PDZD2: variants seen among roughly 807,000 people sequenced by gnomAD.
PDZD2 encodes PDZ domain-containing protein 2.
PDZD2 carries 90 observed loss-of-function variants against 220.7 expected under a neutral mutation model. The ratio of observed to expected loss-of-function variants is 0.41; its 90% CI spans 0.34 to 0.49. The LOEUF (loss-of-function observed/expected upper bound fraction) is 0.49, where lower values mean the gene tolerates loss of function less well. PDZD2 is among the 20% of genes least tolerant of loss of function. The pLI is 0.28. For synonymous variants in PDZD2, 1,375 were observed against 1,450.5 expected, an observed-to-expected ratio of 0.95 and a Z score of 1.18; for missense variants, 3,174 against 3,608.5, an observed-to-expected ratio of 0.88 and a Z score of 3.08.
intron 2 of PDZD2, among the ~76,000 whole-genome samples, chr5:31,915,336 C>T (rs1333577827): frequency 1.3e-5 from 2 of 152,176 alleles, no homozygotes; most frequent in East Asian, 3.8e-4. Context: ...CTGCTCATTC[C>T]TCAGTTAACC....
chr5:32,064,999 A>T (rs1298382128), intron 14 of PDZD2, among the ~76,000 whole-genome samples: 1 of 151,552 alleles, frequency 6.6e-6, no homozygotes, highest in Non-Finnish European at 1.5e-5. Flanking sequence ...CAAAGTGTTC[A>T]TTAAGAATAT....
At chr5:31,772,663 C>T (rs1426081193) in intron 1 of PDZD2, among the ~76,000 whole-genome samples, 1 of 152,192 alleles carries the variant, frequency 6.6e-6, no homozygotes. Flanking sequence ...TTAGAATATA[C>T]TAGAATGGAT....
chr5:31,975,539 C>T (rs1054382504), intron 2 of PDZD2, among the ~76,000 whole-genome samples: 17 of 152,238 alleles, frequency 1.1e-4, no homozygotes, highest in African/African-American at 3.4e-4. Flanking sequence ...AGGAGGGAGG[C>T]GGTGCTCAGC....
At chr5:32,070,805 G>C (rs922070518) in intron 15 of PDZD2, among the ~76,000 whole-genome samples, 2 of 152,194 alleles carry the variant, frequency 1.3e-5, no homozygotes, top group African/African-American at 4.8e-5. Flanking sequence ...AGACCAGCCT[G>C]ACCAACATGG....
At chr5:31,966,153 G>A (rs907027916) in intron 2 of PDZD2, among the ~76,000 whole-genome samples, 5 of 152,176 alleles carry the variant, frequency 3.3e-5, no homozygotes, top group Non-Finnish European at 7.3e-5. Flanking sequence ...CCTTGGGCGA[G>A]TTAATCTCTT....
At chr5:31,754,153 G>A (rs1751172461) in intron 1 of PDZD2, 1 of 152,226 alleles carries the variant, frequency 6.6e-6, no homozygotes, top group Admixed American at 6.5e-5. Context: ...TAATAATGAT[G>A]TTGGGCTCAA....
At chr5:32,070,514 T>C (rs1740638192) in intron 15 of PDZD2, among the ~76,000 whole-genome samples, 1 of 152,330 alleles carries the variant, frequency 6.6e-6, no homozygotes, top group Admixed American at 6.5e-5. Context: ...ATGCCCAAAG[T>C]CCCTTCTGCT....
intron 6 of PDZD2, among the ~76,000 whole-genome samples, chr5:32,027,257 G>C (rs1227583672): frequency 6.6e-6 from 1 of 152,104 alleles, no homozygotes; most frequent in Non-Finnish European, 1.5e-5. Context: ...GCCTCTCTTG[G>C]GAACATGACA....
chr5:31,874,450 T>C (rs1739117892), intron 2 of PDZD2, among the ~76,000 whole-genome samples: 1 of 152,168 alleles, frequency 6.6e-6, no homozygotes, highest in Non-Finnish European at 1.5e-5. Flanking sequence ...ATTTTTAGAA[T>C]TCTTTTCAAA....
chr5:31,862,103 T>TGG (rs1554084875), intron 2 of PDZD2, among the ~76,000 whole-genome samples: 3 of 54,396 alleles, frequency 5.5e-5, no homozygotes, highest in Non-Finnish European at 1.5e-4. Context: ...TTTTTTGGGT[T>TGG]TTTTTTTTTT....
intron 1 of PDZD2, among the ~76,000 whole-genome samples, chr5:31,783,409 G>A (rs930697800): frequency 2.0e-5 from 3 of 152,174 alleles, no homozygotes; most frequent in Non-Finnish European, 2.9e-5. Flanking sequence ...TAGAGCATCC[G>A]CATCGGGGAA....
At chr5:31,812,835 C>T (rs1755201377) in intron 2 of PDZD2, among the ~76,000 whole-genome samples, 1 of 152,170 alleles carries the variant, frequency 6.6e-6, no homozygotes, top group Non-Finnish European at 1.5e-5. Flanking sequence ...CCTATCCCAG[C>T]CTCCCGAAGT....
At chr5:31,789,935 A>T (rs1296964223) in intron 1 of PDZD2, among the ~76,000 whole-genome samples, 1 of 152,102 alleles carries the variant, frequency 6.6e-6, no homozygotes, top group East Asian at 1.9e-4. Flanking sequence ...ACAAAAAAAA[A>T]TTCCATTTAT....
At chr5:31,973,896 G>A (rs113417684) in intron 2 of PDZD2, among the ~76,000 whole-genome samples, 8 of 152,224 alleles carry the variant, frequency 5.3e-5, no homozygotes, top group South Asian at 4.2e-4. Flanking sequence ...GGTGGCCTGC[G>A]CCTATAGTCA....
chr5:32,006,754 A>G (rs921286182), intron 5 of PDZD2, among the ~76,000 whole-genome samples: 2 of 143,994 alleles, frequency 1.4e-5, no homozygotes, highest in East Asian at 2.0e-4. Flanking sequence ...CGGTGGTACA[A>G]TCTTGGCTCA....
chr5:31,694,323 C>T (rs1480926523), intron 1 of PDZD2, among the ~76,000 whole-genome samples: 2 of 152,010 alleles, frequency 1.3e-5, no homozygotes, highest in Admixed American at 6.6e-5. Flanking sequence ...ACCCAAGAGG[C>T]GGAGGTTGCA....
chr5:31,941,867 T>A (rs575513583), intron 2 of PDZD2, among the ~76,000 whole-genome samples: 1 of 152,376 alleles, frequency 6.6e-6, no homozygotes, highest in South Asian at 2.1e-4. Context: ...TAGTCTCTGG[T>A]GGCTTCATTC....
intron 2 of PDZD2, among the ~76,000 whole-genome samples, chr5:31,893,140 C>G (rs1741207800): frequency 1.3e-5 from 2 of 152,174 alleles, no homozygotes; most frequent in Non-Finnish European, 2.9e-5. Context: ...ACCTTTCGCC[C>G]TTGCCCTTGT....
At chr5:31,706,635 G>C (rs111960449) in intron 1 of PDZD2, among the ~76,000 whole-genome samples, 20,639 of 151,956 alleles carry the variant, frequency 0.14, 1,529 homozygotes, top group East Asian at 0.21. Context: ...CATGAGGTCA[G>C]GAGATCGAGA....
Sources: allele counts gnomAD v4.1 joint callset (sites outside exome capture counted in the v4.1 genomes callset), GRCh38; gene constraint gnomAD v4.1.1; transcripts MANE v1.5; gene names NCBI Gene and HGNC (gene_info 2026-07-23, HGNC 2026-07-21).